Variants in RAB3C observed in about 807,000 individuals in gnomAD.
RAB3C encodes ras-related protein Rab-3C.
RAB3C carries 17 observed loss-of-function variants against 26.4 expected under a neutral mutation model. That is an observed-to-expected ratio of 0.64 (90% confidence interval 0.44 to 0.97). RAB3C has a LOEUF of 0.97. Among genes scored for constraint, RAB3C ranks in the 50% least tolerant of loss-of-function variants. RAB3C has a pLI of 0.00. For missense variants in RAB3C, 242 were observed against 281.9 expected, an observed-to-expected ratio of 0.86 and a Z score of 1.01; for synonymous variants, 91 against 95.9, an observed-to-expected ratio of 0.95 and a Z score of 0.30.
At chr5:58,836,480 T>A (rs1244070596) in intron 4 of RAB3C, among the ~76,000 whole-genome samples, 1 of 152,208 alleles carries the variant, frequency 6.6e-6, no homozygotes, top group Non-Finnish European at 1.5e-5. Flanking sequence ...AGAACTTACA[T>A]CCCTTATCTG....
intron 1 of RAB3C, among the ~76,000 whole-genome samples, chr5:58,584,196 C>G (rs1473396217): frequency 6.6e-6 from 1 of 152,216 alleles, no homozygotes. Flanking sequence ...AAATATTTGA[C>G]ATTAATTCGG....
At chr5:58,734,730 A>G (rs1167022445) in intron 3 of RAB3C, among the ~76,000 whole-genome samples, 1 of 152,168 alleles carries the variant, frequency 6.6e-6, no homozygotes, top group Non-Finnish European at 1.5e-5. Context: ...AGTTAATCTT[A>G]ACTTCTCATT....
At chr5:58,697,228 C>T (rs1748727019) in intron 2 of RAB3C, among the ~76,000 whole-genome samples, 1 of 152,104 alleles carries the variant, frequency 6.6e-6, no homozygotes. Flanking sequence ...TGTAGTTGTG[C>T]AGTTTTGAGT....
At chr5:58,776,788 T>G (rs1742152218) in intron 3 of RAB3C, among the ~76,000 whole-genome samples, 1 of 152,080 alleles carries the variant, frequency 6.6e-6, no homozygotes, top group South Asian at 2.1e-4. Context: ...TATACACATT[T>G]TAGGGTCAAA....
rs1226910765 is a variant in RAB3C at position 58,851,474 on chromosome 5, T to C, written c.*123T>C. The C allele has an allele frequency of 6.7e-6, 5 of 742,122 alleles. No homozygotes were observed. The highest frequency in any genetic ancestry group is 6.2e-6 in the Non-Finnish European group (3 of 485,194). 46.0% of individuals were successfully genotyped at this position (742,122 alleles called of 1,614,324 possible). A position where few individuals can be genotyped will look rare whatever the true frequency, so the allele number is the denominator to read the frequency against. On this transcript the variant is annotated 3_prime_UTR_variant, in exon 5 of 5. Coordinates refer to ENST00000282878, the MANE Select transcript of RAB3C (RefSeq NM_138453.4). ...ATTTGAAGGAATAAATTGATGTCAA[T>C]GGCTCGTACGCATTCAATTCTTGGG...
At chr5:58,825,418 A>C (rs905174979) in intron 4 of RAB3C, among the ~76,000 whole-genome samples, 2 of 152,202 alleles carry the variant, frequency 1.3e-5, no homozygotes, top group South Asian at 4.1e-4. Flanking sequence ...TTAAATTCTT[A>C]TTCCATGAGA....
chr5:58,858,348 A>G lies in RAB3C; in HGVS notation c.*6997A>G, dbSNP rs1744309378. ...TTTAAAAAATGGAAGCAGGTAGCCA[A>G]TATTAGAATGATAATTTAAGGGTGT... On this transcript the variant is annotated 3_prime_UTR_variant, in exon 5 of 5. Coordinates refer to ENST00000282878, the MANE Select transcript of RAB3C (RefSeq NM_138453.4). The G allele has an allele frequency of 6.6e-6, 1 of 152,220 alleles. No individual in the cohort carries two copies. The highest frequency in any genetic ancestry group is 2.1e-4 in the South Asian group (1 of 4,836). 9.4% of individuals were successfully genotyped at this position (152,220 alleles called of 1,614,324 possible). A position where few individuals can be genotyped will look rare whatever the true frequency, so the allele number is the denominator to read the frequency against.
chr5:58,725,189 T>G (rs563653356), intron 2 of RAB3C, among the ~76,000 whole-genome samples: 48 of 151,992 alleles, frequency 3.2e-4, no homozygotes, highest in Non-Finnish European at 5.7e-4. Flanking sequence ...ATAAAGGATA[T>G]TTTTGCTGGC....
intron 3 of RAB3C, among the ~76,000 whole-genome samples, chr5:58,764,371 T>G (rs1579906309): frequency 6.6e-6 from 1 of 152,296 alleles, no homozygotes; most frequent in South Asian, 2.1e-4. Flanking sequence ...AACAGTGCTT[T>G]GTTCTAGAGG....
chr5:58,649,724 TC>T (rs1197671981), intron 2 of RAB3C, among the ~76,000 whole-genome samples: 3 of 152,146 alleles, frequency 2.0e-5, no homozygotes, highest in Non-Finnish European at 2.9e-5. Flanking sequence ...TCAGTCTTCC[TC>T]CCACAAAGAG....
intron 2 of RAB3C, among the ~76,000 whole-genome samples, chr5:58,666,500 T>G (rs12653046): frequency 0.25 from 38,733 of 152,076 alleles, 5,392 homozygotes; most frequent in African/African-American, 0.37. Flanking sequence ...TTTGTTAAAA[T>G]TCAAGATTCT....
At chr5:58,615,336 A>AC (rs1015552168) in intron 1 of RAB3C, among the ~76,000 whole-genome samples, 5 of 151,980 alleles carry the variant, frequency 3.3e-5, no homozygotes, top group African/African-American at 1.2e-4. Flanking sequence ...TTCTTACCAG[A>AC]CCCCCAAATC....
intron 2 of RAB3C, among the ~76,000 whole-genome samples, chr5:58,644,829 A>G (rs1004447453): frequency 2.6e-5 from 4 of 152,194 alleles, no homozygotes; most frequent in African/African-American, 9.7e-5. Context: ...TCTGCACTCT[A>G]TCTTTTTCCC....
chr5:58,612,369 G>C (rs1248612704), intron 1 of RAB3C, among the ~76,000 whole-genome samples: 2 of 151,330 alleles, frequency 1.3e-5, no homozygotes, highest in Non-Finnish European at 2.9e-5. Context: ...CATGAGCAAG[G>C]ACTATTTTTC....
chr5:58,745,240 A>T lies in RAB3C; in HGVS notation c.371+19120A>T, dbSNP rs545245789. 2.6e-5 allele frequency among the ~76,000 whole-genome samples: 4 copies of T among 152,006 alleles called. No individual in the cohort carries two copies. The South Asian group carries it at 8.3e-4, about 32-fold the overall frequency. ...GTGAAACCCCATCTCTACTAAAAAT[A>T]CAAAAAAATTAGCCGGGCATAGTGG... is the stretch of plus-strand genomic sequence containing the variant. On this transcript the variant is annotated intron_variant, in intron 3 of 4. Transcript: ENST00000282878.
intron 2 of RAB3C, among the ~76,000 whole-genome samples, chr5:58,692,989 C>T (rs1256587769): frequency 6.6e-6 from 1 of 151,710 alleles, no homozygotes; most frequent in Non-Finnish European, 1.5e-5. Flanking sequence ...TGCCTGTAAT[C>T]CCAGCTACTC....
At chr5:58,632,065 G>C (rs572688283) in intron 2 of RAB3C, among the ~76,000 whole-genome samples, 122 of 152,346 alleles carry the variant, frequency 8.0e-4, no homozygotes, top group African/African-American at 2.8e-3. Context: ...TTTCAGCCTG[G>C]CCTTGATGGT....
chr5:58,720,724 G>T (rs1247916979), intron 2 of RAB3C, among the ~76,000 whole-genome samples: 1 of 151,664 alleles, frequency 6.6e-6, no homozygotes, highest in Non-Finnish European at 1.5e-5. Context: ...CTATAAAATT[G>T]TCTACTTTAT....
intron 2 of RAB3C, among the ~76,000 whole-genome samples, chr5:58,692,799 C>T (rs1260661027): frequency 6.6e-6 from 1 of 151,918 alleles, no homozygotes; most frequent in Admixed American, 6.6e-5. Context: ...TTTTATAATC[C>T]TTTAGAGATT....
Sources: allele counts gnomAD v4.1 joint callset (sites outside exome capture counted in the v4.1 genomes callset), GRCh38; gene constraint gnomAD v4.1.1; transcripts MANE v1.5; gene names NCBI Gene and HGNC (gene_info 2026-07-23, HGNC 2026-07-21).